The following FOXP2 variants were observed in gnomAD, a reference collection of about 807,000 sequenced individuals.
The protein encoded by FOXP2 is forkhead box protein P2.
FOXP2 carries 12 observed loss-of-function variants against 115.8 expected under a neutral mutation model. That is an observed-to-expected ratio of 0.10 (90% CI 0.07 to 0.17). The LOEUF (loss-of-function observed/expected upper bound fraction) is 0.17. Ranked by LOEUF, FOXP2 falls within the 10% of genes least tolerant of loss-of-function variation. The pLI, the probability that FOXP2 is intolerant of heterozygous loss-of-function variation, is 1.00. For synonymous variants in FOXP2, 328 were observed against 297.7 expected (o/e 1.10, Z -1.05); for missense variants, 629 against 843.5 (o/e 0.75, Z 3.15).
At chr7:114,217,027 GTTAT>G (rs1299895887) in intron 1 of FOXP2, among the ~76,000 whole-genome samples, 1 of 152,088 alleles carries the variant, frequency 6.6e-6, no homozygotes, top group Non-Finnish European at 1.5e-5. Flanking sequence ...TGGTTTGAGT[GTTAT>G]TTATCACCAA....
At chr7:114,540,473 C>T (rs1417914113) in intron 3 of FOXP2, among the ~76,000 whole-genome samples, 1 of 151,982 alleles carries the variant, frequency 6.6e-6, no homozygotes, top group African/African-American at 2.4e-5. Flanking sequence ...AACATCCATT[C>T]ATTCAGTATA....
chr7:114,284,171 A>G (rs1796407144), intron 1 of FOXP2, among the ~76,000 whole-genome samples: 1 of 152,070 alleles, frequency 6.6e-6, no homozygotes, highest in South Asian at 2.1e-4. Flanking sequence ...GAATGTTTCT[A>G]TACATGAATG....
intron 13 of FOXP2, among the ~76,000 whole-genome samples, chr7:114,660,111 C>T (rs1806787186): frequency 6.6e-6 from 1 of 152,064 alleles, no homozygotes; most frequent in Non-Finnish European, 1.5e-5. Flanking sequence ...GAAGCTGCCA[C>T]GGGAGTGAGG....
At chr7:114,148,198 G>T (rs759597810) in intron 1 of FOXP2, among the ~76,000 whole-genome samples, 3 of 152,184 alleles carry the variant, frequency 2.0e-5, no homozygotes, top group Non-Finnish European at 4.4e-5. Context: ...CTCATCAGAA[G>T]TTTGAAGGGA....
intron 2 of FOXP2, among the ~76,000 whole-genome samples, chr7:114,381,107 G>T (rs1317892692): frequency 4.6e-5 from 7 of 152,182 alleles, no homozygotes; most frequent in Admixed American, 4.6e-4. Context: ...TGGCTATTTT[G>T]TCATACCTGT....
intron 2 of FOXP2, among the ~76,000 whole-genome samples, chr7:114,529,752 T>C (rs1799047631): frequency 1.3e-5 from 2 of 151,822 alleles, no homozygotes; most frequent in African/African-American, 2.4e-5. Context: ...TATTTGAAAA[T>C]AGGTTATGCC....
chr7:114,390,160 A>G (rs946308707), intron 2 of FOXP2, among the ~76,000 whole-genome samples: 2 of 152,168 alleles, frequency 1.3e-5, no homozygotes, highest in Admixed American at 6.5e-5. Context: ...TTTAAAAAGC[A>G]TGTATTATAG....
chr7:114,461,916 C>CA (rs202197986), intron 2 of FOXP2, among the ~76,000 whole-genome samples: 1,962 of 148,286 alleles, frequency 0.013, 37 homozygotes, highest in African/African-American at 0.039. Flanking sequence ...GTTTCTAGCT[C>CA]AAAAAAAAAA....
rs752889781 is a variant in FOXP2 at position 114,689,956 on chromosome 7, G to A, written c.*30G>A. 2 of 1,611,084 alleles carry A rather than the reference G, an allele frequency of 1.2e-6. No homozygotes were observed. Among genetic ancestry groups the A allele is most frequent in the East Asian group, 2.2e-5 (1 of 44,832 alleles). ...TGACTTGTGAAACCTCAGCGTGAAG[G>A]GACATATCACTGACCTTCATAACCA... On this transcript the variant is annotated 3_prime_UTR_variant, in exon 17 of 17. Coordinates refer to ENST00000350908, the MANE Select transcript of FOXP2 (RefSeq NM_014491.4).
intron 1 of FOXP2, among the ~76,000 whole-genome samples, chr7:114,258,417 A>T (rs1040992130): frequency 3.3e-5 from 5 of 152,152 alleles, no homozygotes; most frequent in African/African-American, 1.2e-4. Flanking sequence ...GAAAAATAGT[A>T]TTATAGGATC....
intron 1 of FOXP2, among the ~76,000 whole-genome samples, chr7:114,249,473 T>A (rs1307912929): frequency 6.6e-6 from 1 of 152,128 alleles, no homozygotes; most frequent in African/African-American, 2.4e-5. Context: ...TGTTTGGTTT[T>A]CTGTTCCTGT....
At chr7:114,308,582 A>C (rs1377151425) in intron 2 of FOXP2, among the ~76,000 whole-genome samples, 1 of 152,184 alleles carries the variant, frequency 6.6e-6, no homozygotes, top group Non-Finnish European at 1.5e-5. Flanking sequence ...TGTGTAGACC[A>C]AAAAGAGAGA....
chr7:114,456,290 C>T (rs990339302), intron 2 of FOXP2, among the ~76,000 whole-genome samples: 2 of 152,174 alleles, frequency 1.3e-5, no homozygotes, highest in African/African-American at 2.4e-5. Context: ...ATGCCATGCT[C>T]TAGAGCCCTG....
At chr7:114,468,447 T>C (rs759511865) in intron 2 of FOXP2, among the ~76,000 whole-genome samples, 2 of 152,136 alleles carry the variant, frequency 1.3e-5, no homozygotes, top group Admixed American at 6.6e-5. Flanking sequence ...TAAGGTGACA[T>C]TGACATCTTT....
chr7:114,621,635 A>G (rs1222859770), intron 3 of FOXP2, among the ~76,000 whole-genome samples: 3 of 152,018 alleles, frequency 2.0e-5, no homozygotes, highest in African/African-American at 7.2e-5. Context: ...CATCCTAATG[A>G]TCTGAAATTC....
intron 1 of FOXP2, among the ~76,000 whole-genome samples, chr7:114,091,033 A>C (rs1392107299): frequency 6.6e-6 from 1 of 151,840 alleles, no homozygotes; most frequent in Non-Finnish European, 1.5e-5. Flanking sequence ...CAGAAATACT[A>C]ATATTGTAGG....
At chr7:114,461,099 C>T (rs559089042) in intron 2 of FOXP2, among the ~76,000 whole-genome samples, 2 of 152,262 alleles carry the variant, frequency 1.3e-5, no homozygotes, top group Admixed American at 6.5e-5. Flanking sequence ...AATAGCCCTC[C>T]TGCTGTTGCA....
chr7:114,228,417 A>G (rs566465995), intron 1 of FOXP2, among the ~76,000 whole-genome samples: 14 of 152,168 alleles, frequency 9.2e-5, no homozygotes, highest in African/African-American at 3.4e-4. Flanking sequence ...AGGGAATCCC[A>G]TAAGGCACAG....
chr7:114,110,784 G>A (rs953457369), intron 1 of FOXP2, among the ~76,000 whole-genome samples: 2 of 152,096 alleles, frequency 1.3e-5, no homozygotes, highest in Admixed American at 1.3e-4. Flanking sequence ...TGGCCCTGAT[G>A]TATTTAAAAG....
Sources: allele counts gnomAD v4.1 joint callset (sites outside exome capture counted in the v4.1 genomes callset), GRCh38; gene constraint gnomAD v4.1.1; transcripts MANE v1.5; gene names NCBI Gene and HGNC (gene_info 2026-07-23, HGNC 2026-07-21).